TMX2: variants seen among roughly 807,000 people sequenced by gnomAD.
The protein encoded by TMX2 is thioredoxin-related transmembrane protein 2.
Under a neutral mutation model 33.4 loss-of-function variants are expected in TMX2, and 20 were observed. The ratio of observed to expected loss-of-function variants is 0.60; its 90% CI spans 0.42 to 0.87. The LOEUF is 0.87. Ranked by LOEUF, TMX2 falls within the 40% of genes least tolerant of loss-of-function variation. The pLI, the probability that TMX2 is intolerant of heterozygous loss-of-function variation, is 0.00. For synonymous variants in TMX2, 166 were observed against 140.7 expected, an observed-to-expected ratio of 1.18 and a Z score of -1.27; for missense variants, 340 against 370.7, an observed-to-expected ratio of 0.92 and a Z score of 0.68.
intron 1 of TMX2, among the ~76,000 whole-genome samples, chr11:57,721,424 C>CCA (rs1355055384): frequency 9.3e-5 from 14 of 150,066 alleles, no homozygotes; most frequent in African/African-American, 3.5e-4. Context: ...TCTCGGCTCA[C>CCA]CACAACCTCA....
In TMX2 at chr11:57,718,781, G is replaced by A. The variant is rs558532124; in HGVS notation, c.189+5974G>A. ...AGTAATTCTCCTGCCTCAGCCTCCC[G>A]AGAAGCTGGGACTACAGGTGCCTGC... On this transcript the variant is annotated intron_variant, in intron 1 of 7. Coordinates refer to ENST00000278422, the MANE Select transcript of TMX2 (RefSeq NM_015959.4). Among the ~76,000 whole-genome samples, 128 of 148,620 alleles carry A rather than the reference G, an allele frequency of 8.6e-4. 1 individual carries two copies. Among genetic ancestry groups the A allele is most frequent in the South Asian group, 6.0e-3 (28 of 4,640 alleles).
intron 1 of TMX2, among the ~76,000 whole-genome samples, chr11:57,737,149 G>T (rs187927806): frequency 6.6e-6 from 1 of 152,144 alleles, no homozygotes; most frequent in Non-Finnish European, 1.5e-5. Context: ...GAAAAGCACC[G>T]CAGGCCTGGC....
chr11:57,714,602 AT>A (rs904211700), intron 1 of TMX2, among the ~76,000 whole-genome samples: 8 of 150,136 alleles, frequency 5.3e-5, no homozygotes, highest in East Asian at 1.9e-4. Context: ...AGTTTTTTGG[AT>A]TTTTTTTTGA....
chr11:57,727,350 C>T (rs1948073005), intron 1 of TMX2, among the ~76,000 whole-genome samples: 2 of 152,112 alleles, frequency 1.3e-5, no homozygotes, highest in African/African-American at 4.8e-5. Context: ...AATCAGACAA[C>T]TCTAGGAATG....
intron 1 of TMX2, among the ~76,000 whole-genome samples, chr11:57,714,466 C>CT (rs1344112101): frequency 4.6e-5 from 7 of 152,102 alleles, no homozygotes; most frequent in Admixed American, 2.6e-4. Context: ...TAATAGCAAT[C>CT]TATTTTCCTA....
chr11:57,720,862 A>T (rs1016227547), intron 1 of TMX2, among the ~76,000 whole-genome samples: 1 of 152,212 alleles, frequency 6.6e-6, no homozygotes, highest in African/African-American at 2.4e-5. Flanking sequence ...CAGGCCCTTC[A>T]GGGGATCCAA....
chr11:57,712,689 C>T lies in TMX2; in HGVS notation c.71C>T (p.Pro24Leu). Residue 24 changes from proline to leucine, a missense_variant, in exon 1 of 8, where the codon CCT (proline) becomes CTT (leucine). Around this residue, in one of 3 missense-constraint regions of TMX2, gnomAD observed 106 missense variants for 82.7 expected, o/e 1.28. Transcript: ENST00000278422. ...VPRLSRWLAQ[P>L]YYLLSALLSA... ...CGACTTTCACGATGGCTCGCCCAAC[C>T]TTACTACCTTCTGTCGGCCCTGCTC... 2 of 1,614,194 alleles carry T rather than the reference C, an allele frequency of 1.2e-6. No individual in the cohort carries two copies. Among genetic ancestry groups the T allele is most frequent in the Non-Finnish European group, 1.7e-6 (2 of 1,180,036 alleles).
chr11:57,719,029 ATATATTT>A (rs959248986), intron 1 of TMX2, among the ~76,000 whole-genome samples: 2 of 105,404 alleles, frequency 1.9e-5, no homozygotes, highest in African/African-American at 3.5e-5. Flanking sequence ...CCATATATAT[ATATATTT>A]TTTTTTTTTT....
At chr11:57,723,659 C>T (rs148168876) in intron 1 of TMX2, among the ~76,000 whole-genome samples, 115 of 146,376 alleles carry the variant, frequency 7.9e-4, no homozygotes, top group African/African-American at 2.6e-3. Context: ...AAAAATTAGC[C>T]GGGCATGGTG....
At chr11:57,730,912 G>T (rs550025190) in intron 1 of TMX2, among the ~76,000 whole-genome samples, 1 of 151,910 alleles carries the variant, frequency 6.6e-6, no homozygotes, top group Non-Finnish European at 1.5e-5. Context: ...TGTATAATTC[G>T]GTTGGCTATG....
At chr11:57,737,724 C>T (rs1333905840) in intron 2 of TMX2, 56 bp downstream of exon 2, 1 of 1,579,284 alleles carries the variant, frequency 6.3e-7, no homozygotes, top group Non-Finnish European at 8.7e-7. Context: ...TTTGGAGGTG[C>T]TTTGCTTCAT....
intron 1 of TMX2, among the ~76,000 whole-genome samples, chr11:57,733,187 G>A (rs1948502952): frequency 6.7e-6 from 1 of 149,156 alleles, no homozygotes; most frequent in Non-Finnish European, 1.5e-5. Flanking sequence ...ATAACAGTGT[G>A]TCAGTGATAA....
At chr11:57,733,413 C>G (rs1948526895) in intron 1 of TMX2, among the ~76,000 whole-genome samples, 1 of 151,894 alleles carries the variant, frequency 6.6e-6, no homozygotes, top group Non-Finnish European at 1.5e-5. Context: ...CGCCATCACG[C>G]CTGGCTGACT....
intron 3 of TMX2, 120 bp downstream of exon 3, chr11:57,738,146 C>G: frequency 1.2e-6 from 1 of 801,556 alleles, no homozygotes; most frequent in East Asian, 2.5e-5. Flanking sequence ...ACCCTTCTTC[C>G]ATATCTCATA....
intron 1 of TMX2, among the ~76,000 whole-genome samples, chr11:57,720,740 TAA>T (rs1947570676): frequency 6.6e-6 from 1 of 152,224 alleles, no homozygotes; most frequent in South Asian, 2.1e-4. Context: ...TCCTCTGAGT[TAA>T]AAGACTTGCA....
In TMX2 at chr11:57,712,740, A is replaced by G. The variant is rs1295396635; in HGVS notation, c.122A>G (p.Lys41Arg). 1 of 1,614,040 alleles carries G rather than the reference A, an allele frequency of 6.2e-7. No individual in the cohort carries two copies. Among genetic ancestry groups the G allele is most frequent in the Non-Finnish European group, 8.5e-7 (1 of 1,180,040 alleles). ...TCTGCTGCCTTCCTACTCGTGAGGA[A>G]ACTGCCGCCGCTCTGCCACGGTCTG... Reference protein sequence around the residue: ...LLSAAFLLVRKLPPLCHGLPT... With the variant: ...LLSAAFLLVRRLPPLCHGLPT... The change falls in exon 1 of 8, where the codon AAA (lysine) becomes AGA (arginine). Residue 41 changes from lysine (K) to arginine (R), a missense_variant. Lys to Arg is a conservative substitution (Grantham distance 26, BLOSUM62 2). Around this residue, in one of 3 missense-constraint regions of TMX2, gnomAD observed 106 missense variants for 82.7 expected, o/e 1.28. Transcript: ENST00000278422.
intron 1 of TMX2, chr11:57,718,619 T>C: frequency 2.3e-6 from 1 of 440,262 alleles, no homozygotes. Flanking sequence ...ATCATTGTTT[T>C]CCTCCATTCA....
chr11:57,729,409 A>G (rs980363795), intron 1 of TMX2, among the ~76,000 whole-genome samples: 1 of 152,074 alleles, frequency 6.6e-6, no homozygotes, highest in African/African-American at 2.4e-5. Context: ...AAGTCGGTGA[A>G]GTTGTATTTG....
intron 1 of TMX2, among the ~76,000 whole-genome samples, chr11:57,726,379 C>G (rs916492499): frequency 6.6e-6 from 1 of 151,894 alleles, no homozygotes; most frequent in Non-Finnish European, 1.5e-5. Flanking sequence ...CGCCACTGCA[C>G]TCTGGCCTGG....
Sources: gnomAD v4.1 joint callset for allele counts (sites outside exome capture counted in the v4.1 genomes callset) on GRCh38, gnomAD v4.1.1 for gene constraint, gnomAD v4.1.1 regional missense constraint, MANE v1.5 for transcripts, NCBI Gene and HGNC (gene_info 2026-07-23, HGNC 2026-07-21) for gene names.